SYNPO: variants seen among roughly 807,000 people sequenced by gnomAD.
The protein encoded by SYNPO is synaptopodin.
SYNPO carries 19 observed loss-of-function variants against 49.5 expected under a neutral mutation model. The ratio of observed to expected loss-of-function variants is 0.38; its 90% CI spans 0.27 to 0.56. The LOEUF (loss-of-function observed/expected upper bound fraction) is 0.56, where lower values mean the gene tolerates loss of function less well. Among genes scored for constraint, SYNPO ranks in the 20% least tolerant of loss-of-function variants. SYNPO has a pLI of 0.68. For missense variants in SYNPO, 1,131 were observed against 1,248.3 expected (o/e 0.91, Z 1.42); for synonymous variants, 536 against 548.0 (o/e 0.98, Z 0.31).
rs959014681 is a variant in SYNPO, at chr5:150,657,275, G to T, written c.*188G>T. On this transcript the variant is annotated 3_prime_UTR_variant, in exon 3 of 3. Coordinates refer to ENST00000307662, the MANE Select transcript of SYNPO (RefSeq NM_007286.6). Reference sequence around the variant, plus strand: ...TAGCCCTTGCTCTCATTCAGCTGTTGTGTGACCCTGGGTAAGACCCTTCCT... The same window carrying T: ...TAGCCCTTGCTCTCATTCAGCTGTTTTGTGACCCTGGGTAAGACCCTTCCT... 1 of 656,848 alleles carries T rather than the reference G, an allele frequency of 1.5e-6. No individual in the cohort carries two copies. Among genetic ancestry groups the T allele is most frequent in the African/African-American group, 1.8e-5 (1 of 55,108 alleles). The allele number at this position is 656,848 out of a possible 1,614,324, so 40.7% of individuals were successfully genotyped here.
chr5:150,616,658 G>A (rs1244590648), intron 1 of SYNPO, among the ~76,000 whole-genome samples: 1 of 152,118 alleles, frequency 6.6e-6, no homozygotes, highest in Non-Finnish European at 1.5e-5. Context: ...TCATCTCCCT[G>A]CTCCACTAAA....
At chr5:150,609,885 C>G in intron 1 of SYNPO, among the ~76,000 whole-genome samples, 1 of 152,188 alleles carries the variant, frequency 6.6e-6, no homozygotes, top group South Asian at 2.1e-4. Context: ...CCCTCCCCAT[C>G]TGAGCCCCCA....
At chr5:150,632,767 G>A (rs919822083) in intron 2 of SYNPO, among the ~76,000 whole-genome samples, 4 of 152,140 alleles carry the variant, frequency 2.6e-5, no homozygotes, top group Non-Finnish European at 5.9e-5. Context: ...TGAAAGAGTA[G>A]CCGGTGCTAT....
intron 2 of SYNPO, among the ~76,000 whole-genome samples, chr5:150,633,849 C>T (rs992929702): frequency 3.3e-5 from 5 of 152,156 alleles, no homozygotes; most frequent in East Asian, 1.9e-4. Context: ...AGGCTGTGTG[C>T]GGTGGCTCAT....
upstream of SYNPO, among the ~76,000 whole-genome samples, chr5:150,598,131 G>A (rs1245156441): frequency 2.6e-5 from 4 of 152,012 alleles, no homozygotes; most frequent in Admixed American, 2.0e-4. Context: ...TCGCCAGACC[G>A]AGGAAGCAGT....
exon 2 of SYNPO, chr5:150,618,586 C>T (rs1197280114): frequency 9.7e-6 from 15 of 1,551,180 alleles, no homozygotes; most frequent in Admixed American, 2.0e-5. Context: ...GCAGAGTCAC[C>T]CAGGGGACAC....
chr5:150,648,845 C>T lies in SYNPO; in HGVS notation c.570C>T (p.Ser190=), dbSNP rs750913479. Residue 190 remains serine (S), a synonymous_variant, in exon 2 of 3, where the codon AGC becomes AGT. Coordinates refer to ENST00000307662, the MANE Select transcript of SYNPO (RefSeq NM_007286.6). This position sits in a 1 kb window ranked among gnomAD's most constrained non-coding sequence, Gnocchi z 5.0. ...CCCCAGCCTCAGATTTCATGTCCAG[C>T]TCCCTGCTCATTGACATCCAGCCCA... ...SRPPASDFMS[S]SLLIDIQPNT... 33 of 1,614,128 alleles carry T rather than the reference C, an allele frequency of 2.0e-5. No homozygotes were observed. The highest frequency in any genetic ancestry group is 1.7e-5 in the Non-Finnish European group (20 of 1,180,054).
chr5:150,589,629 A>T, the SYNPO span, among the ~76,000 whole-genome samples: 1 of 152,204 alleles, frequency 6.6e-6, no homozygotes, highest in East Asian at 1.9e-4. Context: ...TTAATTCAGT[A>T]TGTGTCACCA....
chr5:150,624,708 G>A, intron 2 of SYNPO: 1 of 446,446 alleles, frequency 2.2e-6, no homozygotes, highest in Non-Finnish European at 3.0e-6. Flanking sequence ...CAGCGCTCCC[G>A]GCTCCCAGCC....
chr5:150,637,591 G>A (rs550941892), upstream of SYNPO, among the ~76,000 whole-genome samples: 5 of 152,344 alleles, frequency 3.3e-5, no homozygotes, highest in African/African-American at 1.2e-4. Flanking sequence ...TGGGGAACCC[G>A]CAGGGGTTGG....
intron 2 of SYNPO, chr5:150,650,983 C>CCT: frequency 8.0e-7 from 1 of 1,248,420 alleles, no homozygotes; most frequent in Non-Finnish European, 1.0e-6. Context: ...CCACTGCTGT[C>CCT]TGACGCTTTT....
In SYNPO at chr5:150,650,289, G is replaced by C; in HGVS notation, c.2014G>C (p.Gly672Arg). ...PRPSFSTRNA[G>R]IEAQDRRESL... ...GCCCTCCTTCTCTACCCGGAACGCCGGGATCGAGGCTCAGGTGTGGAAGCC... is the reference window on the plus strand; with the variant it reads ...GCCCTCCTTCTCTACCCGGAACGCCCGGATCGAGGCTCAGGTGTGGAAGCC... Residue 672 changes from glycine to arginine, a missense_variant, in exon 2 of 3, where the codon GGG becomes CGG. Gly to Arg is a moderately radical substitution (Grantham distance 125, BLOSUM62 -2). Transcript: ENST00000307662. 6.2e-7 allele frequency: 1 copy of C among 1,614,134 alleles called. No homozygotes were observed. The highest frequency in any genetic ancestry group is 8.5e-7 in the Non-Finnish European group (1 of 1,180,040).
Position 150,648,035 on chromosome 5 carries a change from C to T in SYNPO, c.-241C>T. On this transcript the variant is annotated 5_prime_UTR_variant, in exon 2 of 3. Coordinates refer to ENST00000307662, the MANE Select transcript of SYNPO (RefSeq NM_007286.6). This position sits in a 1 kb window ranked among gnomAD's most constrained non-coding sequence, Gnocchi z 5.0. ...TTGCAGCCCAGCTGACCACCCCTCC[C>T]AGCTCCAATTCCCGTGGCGTCCAGC... The T allele has an allele frequency of 1.9e-6, 3 of 1,551,872 alleles. No individual in the cohort carries two copies. Among genetic ancestry groups the T allele is most frequent in the Admixed American group, 2.0e-5 (1 of 51,010 alleles).
chr5:150,634,863 C>CACACACACA (rs919820578), intron 2 of SYNPO, among the ~76,000 whole-genome samples: 1 of 45,848 alleles, frequency 2.2e-5, no homozygotes, highest in East Asian at 5.5e-4. Context: ...CACACACACA[C>CACACACACA]CACACACACA....
intron 2 of SYNPO, among the ~76,000 whole-genome samples, chr5:150,632,817 G>T (rs747706584): frequency 2.0e-5 from 3 of 152,132 alleles, no homozygotes; most frequent in Non-Finnish European, 4.4e-5. Context: ...ACATACTAGT[G>T]CATTATTTAT....
chr5:150,638,579 T>G (rs1757793933), upstream of SYNPO, among the ~76,000 whole-genome samples: 2 of 152,244 alleles, frequency 1.3e-5, no homozygotes, highest in Non-Finnish European at 2.9e-5. Flanking sequence ...TGGCTTCTGC[T>G]GAGTCTGGGG....
chr5:150,656,679 G>C lies in SYNPO; in HGVS notation c.2304G>C (p.Lys768Asn). ...ARNIINAARRKSASPRSAGAE... is the reference protein window; with the variant it reads ...ARNIINAARRNSASPRSAGAE... ...ACATCATCAATGCGGCCCGGCGCAA[G>C]AGCGCCTCCCCGCGGTCGGCGGGCG... The change falls in exon 3 of 3, where the codon AAG becomes AAC. Residue 768 changes from lysine (K) to asparagine (N), a missense_variant. This residue lies in a region of SYNPO where 509 missense variants were observed against 484.5 expected (regional missense o/e 1.05). Coordinates refer to ENST00000307662, the MANE Select transcript of SYNPO (RefSeq NM_007286.6). 6.8e-7 allele frequency: 1 copy of C among 1,470,574 alleles called. No homozygotes were observed. The highest frequency in any genetic ancestry group is 9.0e-7 in the Non-Finnish European group (1 of 1,116,764). 91.1% of individuals were successfully genotyped at this position (1,470,574 alleles called of 1,614,324 possible).
At chr5:150,651,882 C>T (rs1758400359) in intron 2 of SYNPO, 3 of 1,000,456 alleles carry the variant, frequency 3.0e-6, no homozygotes, top group Non-Finnish European at 3.6e-6. Flanking sequence ...CCAAACCAGG[C>T]TTTGTGGGGG....
At chr5:150,626,625 A>C (rs1757366843) in intron 2 of SYNPO, among the ~76,000 whole-genome samples, 1 of 152,160 alleles carries the variant, frequency 6.6e-6, no homozygotes, top group African/African-American at 2.4e-5. Context: ...TGTTGCCCTT[A>C]TCTACTCCCC....
Sources: gnomAD v4.1 joint callset for allele counts (sites outside exome capture counted in the v4.1 genomes callset) on GRCh38, gnomAD v4.1.1 for gene constraint, gnomAD v4.1.1 regional missense constraint, Gnocchi (gnomAD v3.1) non-coding constraint, MANE v1.5 for transcripts, NCBI Gene and HGNC (gene_info 2026-07-23, HGNC 2026-07-21) for gene names.